The following TBC1D23 variants were observed in gnomAD, a reference collection of about 807,000 sequenced individuals.
TBC1D23 encodes HCV non-structural protein 4A-transactivated protein 1.
In TBC1D23, 55 loss-of-function variants were observed where a neutral mutation model predicts 91.4. That is an observed-to-expected ratio of 0.60 (90% CI 0.48 to 0.75). The LOEUF (loss-of-function observed/expected upper bound fraction) is 0.75, where lower values mean the gene tolerates loss of function less well. Among genes scored for constraint, TBC1D23 ranks in the 30% least tolerant of loss-of-function variants. TBC1D23 has a pLI of 0.00. For synonymous variants in TBC1D23, 289 were observed against 281.0 expected (o/e 1.03, Z -0.28); for missense variants, 725 against 836.1 (o/e 0.87, Z 1.64).
At chr3:100,274,899 C>A (rs1160944599) in intron 1 of TBC1D23, among the ~76,000 whole-genome samples, 1 of 133,390 alleles carries the variant, frequency 7.5e-6, no homozygotes, top group Non-Finnish European at 1.7e-5. Context: ...TACACACCCC[C>A]CCCCTTTTTG....
rs1576192315 is a variant in TBC1D23, at chr3:100,323,767, A to C, written c.*99A>C. The C allele has an allele frequency of 1.8e-5, 8 of 440,694 alleles. No homozygotes were observed. The highest frequency in any genetic ancestry group is 2.1e-5 in the African/African-American group (1 of 48,110). 27.3% of individuals were successfully genotyped at this position (440,694 alleles called of 1,614,324 possible). On this transcript the variant is annotated 3_prime_UTR_variant, in exon 19 of 19. Transcript: ENST00000394144. ...CTAACTGGAGACCTTTCATTTGCTC[A>C]TGGGGCTGCTTAAATAGCAGGTCTA... is the stretch of plus-strand genomic sequence containing the variant.
chr3:100,306,926 CAGTT>C (rs986056502), intron 13 of TBC1D23, among the ~76,000 whole-genome samples: 6 of 152,100 alleles, frequency 3.9e-5, no homozygotes, highest in African/African-American at 1.4e-4. Flanking sequence ...AGGCATCTCC[CAGTT>C]AGTTTTTGCC....
intron 10 of TBC1D23, among the ~76,000 whole-genome samples, chr3:100,301,461 T>G (rs1404328297): frequency 6.6e-6 from 1 of 152,210 alleles, no homozygotes; most frequent in African/African-American, 2.4e-5. Flanking sequence ...TGCTTTTGTT[T>G]TTTACAAATT....
At chr3:100,271,148 G>T (rs1402492505) in intron 1 of TBC1D23, among the ~76,000 whole-genome samples, 2 of 152,184 alleles carry the variant, frequency 1.3e-5, no homozygotes, top group Admixed American at 1.3e-4. Context: ...GGTTAAGAAA[G>T]GGGGTGGAGA....
At chr3:100,262,661 G>A (rs1239484569) in intron 1 of TBC1D23, among the ~76,000 whole-genome samples, 1 of 132,860 alleles carries the variant, frequency 7.5e-6, no homozygotes, top group Non-Finnish European at 1.6e-5. Context: ...GGAGGCAGAG[G>A]TTGCAGTGAG....
chr3:100,271,166 G>A lies in TBC1D23; in HGVS notation c.54-8483G>A, dbSNP rs116141971. On this transcript the variant is annotated intron_variant, in intron 1 of 18. Transcript: ENST00000394144. ...TAAGAAAGGGGGTGGAGATGATACA[G>A]AGAGTGGTCCCTATGGAGTGGTGAG... Among the ~76,000 whole-genome samples the A allele has an allele frequency of 6.9e-3, 1,047 of 152,226 alleles. 15 individuals carry two copies. Among genetic ancestry groups the A allele is most frequent in the African/African-American group, 0.024 (1,007 of 41,526 alleles).
At chr3:100,319,788 T>G (rs148427424) in intron 17 of TBC1D23, among the ~76,000 whole-genome samples, 1 of 152,198 alleles carries the variant, frequency 6.6e-6, no homozygotes, top group East Asian at 1.9e-4. Context: ...CGTATGTATA[T>G]ATATATACAT....
rs866938693 is a variant in TBC1D23 at position 100,291,797 on chromosome 3, T to C, written c.600+1096T>C. On this transcript the variant is annotated intron_variant, in intron 5 of 18. Transcript: ENST00000394144. The stretch of plus-strand genomic sequence containing the variant: ...ATTATCATATCTGCTTTTTTTTTTC[T>C]TTTTTTTTTTTTTTGAGATGGAGTT... 7.0e-3 allele frequency among the ~76,000 whole-genome samples: 583 copies of C among 83,206 alleles called. 1 individual carries two copies. Among genetic ancestry groups the C allele is most frequent in the South Asian group, 0.011 (25 of 2,206 alleles). 54.6% of individuals were successfully genotyped at this position (83,206 alleles called of 152,430 possible). A position where few individuals can be genotyped will look rare whatever the true frequency, so the allele number is the denominator to read the frequency against.
At position 100,309,852 on chromosome 3, in the gene TBC1D23, ACC is replaced by A. The variant is rs200568753; in HGVS notation, c.1414-550_1414-549del. ...TCTTGAACTCCTGACCTCATGATCCACCTGCCTCGGCCTCCCAAAGTACTGGG... is the reference window on the plus strand; with the variant it reads ...TCTTGAACTCCTGACCTCATGATCCATGCCTCGGCCTCCCAAAGTACTGGG... On this transcript the variant is annotated intron_variant, in intron 13 of 18. Coordinates refer to ENST00000394144, the MANE Select transcript of TBC1D23 (RefSeq NM_001199198.3). Among the ~76,000 whole-genome samples the A allele has an allele frequency of 6.8e-3, 1,030 of 151,838 alleles. 15 individuals carry two copies. The highest frequency in any genetic ancestry group is 0.024 in the African/African-American group (990 of 41,458).
intron 5 of TBC1D23, among the ~76,000 whole-genome samples, chr3:100,293,146 TTTA>T (rs2067807386): frequency 7.0e-6 from 1 of 142,582 alleles, no homozygotes; most frequent in African/African-American, 2.5e-5. Flanking sequence ...TATTTATTTA[TTTA>T]TTTTGTGAGA....
At chr3:100,315,047 G>A (rs1002163855) in intron 15 of TBC1D23, among the ~76,000 whole-genome samples, 2 of 151,338 alleles carry the variant, frequency 1.3e-5, no homozygotes, top group African/African-American at 4.9e-5. Context: ...AAAATTAATA[G>A]GATATTAATT....
chr3:100,297,912 C>T lies in TBC1D23; in HGVS notation c.877-11C>T. On this transcript the variant is annotated splice_polypyrimidine_tract_variant and intron_variant, in intron 8 of 18. Transcript: ENST00000394144. Reference sequence around the variant, plus strand: ...TTTTTTCATAATGTTTAAAAATTTCCCTTCAAACAGGATAATCACCATCTC... The same window carrying T: ...TTTTTTCATAATGTTTAAAAATTTCTCTTCAAACAGGATAATCACCATCTC... 1.3e-6 allele frequency: 2 copies of T among 1,572,820 alleles called. No homozygotes were observed. Among genetic ancestry groups the T allele is most frequent in the East Asian group, 2.3e-5 (1 of 43,698 alleles).
chr3:100,308,006 T>C (rs190720835), intron 13 of TBC1D23, among the ~76,000 whole-genome samples: 9 of 152,374 alleles, frequency 5.9e-5, no homozygotes, highest in African/African-American at 9.6e-5. Context: ...TGGATAGTTT[T>C]TCTATTGAAG....
chr3:100,312,011 CT>C (rs35280974), intron 15 of TBC1D23, 134 bp downstream of exon 15: 1 of 622,778 alleles, frequency 1.6e-6, no homozygotes, highest in Non-Finnish European at 2.8e-6. Flanking sequence ...CCTCATTCTG[CT>C]TTTTAGGAGT....
rs1705804648 is a variant in TBC1D23, at chr3:100,319,047, T to G, written c.1688-22T>G. 2.0e-6 allele frequency: 3 copies of G among 1,469,660 alleles called. No homozygotes were observed. In the African/African-American group the frequency reaches 4.3e-5, roughly 21 times the overall value. 91.0% of individuals were successfully genotyped at this position (1,469,660 alleles called of 1,614,324 possible). A position where few individuals can be genotyped will look rare whatever the true frequency, so the allele number is the denominator to read the frequency against. On this transcript the variant is annotated intron_variant, in intron 16 of 18. Coordinates refer to ENST00000394144, the MANE Select transcript of TBC1D23 (RefSeq NM_001199198.3). ...TTTAAAAGTTGGTAATATCCATATTTAATACTTTGTATTTTTTATAGATGA... is the reference window on the plus strand; with the variant it reads ...TTTAAAAGTTGGTAATATCCATATTGAATACTTTGTATTTTTTATAGATGA...
chr3:100,296,334 A>G (rs1057121896), intron 8 of TBC1D23, 59 bp downstream of exon 8: 22 of 970,660 alleles, frequency 2.3e-5, no homozygotes, highest in Middle Eastern at 2.3e-4. Context: ...TTGTTTTATT[A>G]CTTTATATTC....
intron 2 of TBC1D23, 84 bp downstream of exon 2, chr3:100,279,844 A>G: frequency 1.3e-6 from 1 of 779,072 alleles, no homozygotes. Flanking sequence ...TCTTAGTTGC[A>G]GAAAACTTTA....
At chr3:100,305,083 A>G (rs1705494784) in intron 12 of TBC1D23, among the ~76,000 whole-genome samples, 195 bp downstream of exon 12, 1 of 152,136 alleles carries the variant, frequency 6.6e-6, no homozygotes, top group South Asian at 2.1e-4. Context: ...ATTGGTGACT[A>G]TTTGATGTAA....
intron 2 of TBC1D23, among the ~76,000 whole-genome samples, chr3:100,280,604 G>A (rs2067686020): frequency 6.6e-6 from 1 of 152,092 alleles, no homozygotes; most frequent in Admixed American, 6.5e-5. Flanking sequence ...TTACCTTTTT[G>A]CCCTATGCAC....
Sources: allele counts gnomAD v4.1 joint callset (sites outside exome capture counted in the v4.1 genomes callset), GRCh38; gene constraint gnomAD v4.1.1; transcripts MANE v1.5; gene names NCBI Gene and HGNC (gene_info 2026-07-23, HGNC 2026-07-21).